Variants in MAP7D2 observed in about 807,000 individuals in gnomAD.
MAP7D2 encodes MAP7 domain containing 2, also known as MAP7 domain-containing protein 2.
Under a neutral mutation model 63.5 loss-of-function variants are expected in MAP7D2, and 33 were observed. That is an observed-to-expected ratio of 0.52 (90% CI 0.39 to 0.70). The LOEUF (loss-of-function observed/expected upper bound fraction) is 0.70. MAP7D2 is among the 30% of genes least tolerant of loss of function. The pLI, the probability that MAP7D2 is intolerant of heterozygous loss-of-function variation, is 0.00. For missense variants in MAP7D2, 626 were observed against 604.0 expected, an observed-to-expected ratio of 1.04 and a Z score of -0.38; for synonymous variants, 224 against 223.7, an observed-to-expected ratio of 1.00 and a Z score of -0.01.
At chrX:20,059,813 G>A (rs754876288) in intron 3 of MAP7D2, among the ~76,000 whole-genome samples, 3 of 110,733 alleles carry the variant, frequency 2.7e-5, no homozygotes, top group African/African-American at 6.6e-5. Flanking sequence ...AGGAAGGAGC[G>A]AGCCTCACAC....
chrX:20,109,573 G>C (rs1227279876), intron 1 of MAP7D2, among the ~76,000 whole-genome samples: 1 of 108,925 alleles, frequency 9.2e-6, no homozygotes, highest in Non-Finnish European at 1.9e-5. Flanking sequence ...AAACACACTT[G>C]GGTGTGAAGC....
In MAP7D2 at chrX:20,055,505, T is replaced by C. The variant is rs934551916; in HGVS notation, c.484+1175A>G. On this transcript the variant is annotated intron_variant, in intron 4 of 16. Coordinates refer to ENST00000379643, the MANE Select transcript of MAP7D2 (RefSeq NM_001168465.2). ...GATTTTCAAGGCAGACGTTAGTGAG[T>C]TGAGGATGAAATGTCTCCGGGGCAC... 1.6e-4 allele frequency among the ~76,000 whole-genome samples: 18 copies of C among 111,365 alleles called. No homozygotes were observed. In the Admixed American group the frequency reaches 1.7e-3, roughly 11 times the overall value.
chrX:20,076,290 C>T (rs1371030685), intron 1 of MAP7D2, among the ~76,000 whole-genome samples: 1 of 111,585 alleles, frequency 9.0e-6, no homozygotes, highest in Non-Finnish European at 1.9e-5. Context: ...TGCAACGTGC[C>T]CCTTTCAAAG....
At chrX:20,047,408 T>C (rs1486965861) in intron 6 of MAP7D2, among the ~76,000 whole-genome samples, 1 of 111,898 alleles carries the variant, frequency 8.9e-6, no homozygotes, top group Non-Finnish European at 1.9e-5. Flanking sequence ...GGCATTCAGA[T>C]CAGTTTCAAC....
rs191346930 is a variant in MAP7D2 at position 20,077,533 on chromosome X, G to A, written c.131-12728C>T. Among the ~76,000 whole-genome samples, 855 of 112,452 alleles carry A rather than the reference G, an allele frequency of 7.6e-3. 16 individuals are homozygous for A. The highest frequency in any genetic ancestry group is 0.026 in the African/African-American group (805 of 30,991). ...TAAGCTTCCTCTTCTATAAAATGGA[G>A]ATAAGAGTAGAACCTATCATAGAGT... is the stretch of plus-strand genomic sequence containing the variant. On this transcript the variant is annotated intron_variant, in intron 1 of 16. Transcript: ENST00000379643.
intron 1 of MAP7D2, among the ~76,000 whole-genome samples, chrX:20,094,033 T>A (rs1027855319): frequency 8.9e-6 from 1 of 112,006 alleles, no homozygotes; most frequent in African/African-American, 3.2e-5. Context: ...CTGGTATATG[T>A]ATAAATGGCT....
At chrX:20,078,345 A>T (rs1225565151) in intron 1 of MAP7D2, among the ~76,000 whole-genome samples, 1 of 112,743 alleles carries the variant, frequency 8.9e-6, no homozygotes, top group Admixed American at 9.4e-5. Flanking sequence ...AGACTCAGAG[A>T]GGTTAAGAAA....
chrX:20,073,552 T>G (rs2065562522), intron 1 of MAP7D2, among the ~76,000 whole-genome samples: 1 of 102,565 alleles, frequency 9.7e-6, no homozygotes, highest in Admixed American at 1.0e-4. Context: ...TTTTTTGAGA[T>G]GGAGTCTCGC....
chrX:20,097,892 T>C (rs779210465), intron 1 of MAP7D2, among the ~76,000 whole-genome samples: 1 of 111,512 alleles, frequency 9.0e-6, no homozygotes, highest in East Asian at 2.8e-4. Flanking sequence ...TATAGCCTTA[T>C]GGTCCATTTT....
chrX:20,063,029 C>CT (rs1184219221), intron 3 of MAP7D2, among the ~76,000 whole-genome samples: 23 of 104,329 alleles, frequency 2.2e-4, no homozygotes, highest in East Asian at 1.2e-3. Context: ...TCCTCTGAGT[C>CT]TTTTTTTTTT....
chrX:20,114,219 G>C (rs1292806756), intron 1 of MAP7D2, among the ~76,000 whole-genome samples: 2 of 112,093 alleles, frequency 1.8e-5, no homozygotes, highest in Non-Finnish European at 3.8e-5. Context: ...TTTTAGTAGA[G>C]ATAGGGTTTC....
chrX:20,052,199 C>T (rs1033713622), intron 5 of MAP7D2, among the ~76,000 whole-genome samples: 6 of 112,352 alleles, frequency 5.3e-5, no homozygotes, highest in African/African-American at 1.6e-4. Flanking sequence ...GGAGAGCTTC[C>T]GTCATTTCCT....
At chrX:20,075,353 A>T (rs2065616290) in intron 1 of MAP7D2, among the ~76,000 whole-genome samples, 1 of 108,641 alleles carries the variant, frequency 9.2e-6, no homozygotes, top group Admixed American at 9.9e-5. Flanking sequence ...TGGAGAATGT[A>T]TGTGGGTAGA....
At chrX:20,028,808 GAGTGGATTTGA>G in intron 8 of MAP7D2, among the ~76,000 whole-genome samples, 1 of 112,152 alleles carries the variant, frequency 8.9e-6, no homozygotes, top group Middle Eastern at 4.6e-3. Flanking sequence ...CAAGGGCAGG[GAGTGGATTTGA>G]AACTTGGCGA....
At chrX:20,071,246 C>G (rs1237073255) in intron 1 of MAP7D2, among the ~76,000 whole-genome samples, 1 of 112,447 alleles carries the variant, frequency 8.9e-6, no homozygotes, top group African/African-American at 3.2e-5. Flanking sequence ...ACCACCGCTT[C>G]TCAACTTTGG....
At chrX:20,071,439 T>C (rs2065498958) in intron 1 of MAP7D2, among the ~76,000 whole-genome samples, 2 of 112,529 alleles carry the variant, frequency 1.8e-5, no homozygotes, top group Non-Finnish European at 3.8e-5. Flanking sequence ...CACTTGAGCA[T>C]GCATCAGAAC....
chrX:20,091,453 T>C (rs1227456426), intron 1 of MAP7D2, among the ~76,000 whole-genome samples: 1 of 109,257 alleles, frequency 9.2e-6, no homozygotes, highest in Non-Finnish European at 1.9e-5. Flanking sequence ...GTGGATCACC[T>C]GAGGTCATAA....
In MAP7D2 at chrX:20,013,759, A is replaced by G. The variant is rs1369265831; in HGVS notation, c.1750-134T>C. 20 of 458,744 alleles carry G rather than the reference A, an allele frequency of 4.4e-5. No individual in the cohort carries two copies. The Admixed American group carries it at 8.4e-4, about 19-fold the overall frequency. 37.8% of individuals were successfully genotyped at this position (458,744 alleles called of 1,213,427 possible). A position where few individuals can be genotyped will look rare whatever the true frequency, so the allele number is the denominator to read the frequency against. On this transcript the variant is annotated intron_variant, in intron 12 of 16. Coordinates refer to ENST00000379643, the MANE Select transcript of MAP7D2 (RefSeq NM_001168465.2). Reference sequence around the variant, plus strand: ...AGGCAAAAGTCAGAAGAGGATAACAAGTATAGAAAGGTTTTCCACTAGTTT... The same window carrying G: ...AGGCAAAAGTCAGAAGAGGATAACAGGTATAGAAAGGTTTTCCACTAGTTT...
At chrX:20,048,863 A>G (rs1034575182) in intron 6 of MAP7D2, among the ~76,000 whole-genome samples, 12 of 110,380 alleles carry the variant, frequency 1.1e-4, no homozygotes, top group African/African-American at 3.3e-4. Flanking sequence ...TCGAGGCTGC[A>G]GTGAGCTATG....
Sources: gnomAD v4.1 joint callset for allele counts (sites outside exome capture counted in the v4.1 genomes callset) on GRCh38, gnomAD v4.1.1 for gene constraint, MANE v1.5 for transcripts, NCBI Gene and HGNC (gene_info 2026-07-23, HGNC 2026-07-21) for gene names.